Variants in C10orf67 observed in about 807,000 individuals in gnomAD.
C10orf67 encodes the protein chromosome 10 open reading frame 67, also known as uncharacterized protein C10orf67, mitochondrial.
C10orf67 carries 60 observed loss-of-function variants against 35.6 expected under a neutral mutation model. The ratio of observed to expected loss-of-function variants is 1.68; its 90% CI spans 1.37 to 2.09. The LOEUF (loss-of-function observed/expected upper bound fraction) is 2.09. Among genes scored for constraint, C10orf67 ranks in the 30% most tolerant of loss-of-function variants. The pLI is 0.00. For missense variants in C10orf67, 474 were observed against 330.2 expected, an observed-to-expected ratio of 1.44 and a Z score of -3.38; for synonymous variants, 167 against 115.8, an observed-to-expected ratio of 1.44 and a Z score of -2.84.
At chr10:23,298,290 G>A (rs1843959060) in intron 5 of C10orf67, among the ~76,000 whole-genome samples, 1 of 152,024 alleles carries the variant, frequency 6.6e-6, no homozygotes, top group Non-Finnish European at 1.5e-5. Context: ...AAAACAATGA[G>A]GCCAACCCTT....
chr10:23,283,986 T>C (rs1365556345), intron 7 of C10orf67, among the ~76,000 whole-genome samples: 1 of 152,080 alleles, frequency 6.6e-6, no homozygotes, highest in African/African-American at 2.4e-5. Context: ...TGGTATTTGA[T>C]TCCTGGAATT....
At chr10:23,316,552 C>T (rs574692327) in intron 4 of C10orf67, among the ~76,000 whole-genome samples, 5 of 152,286 alleles carry the variant, frequency 3.3e-5, no homozygotes, top group South Asian at 2.1e-4. Flanking sequence ...TCGTCCCACA[C>T]GCAGGAAGAA....
At chr10:23,305,188 A>G (rs1364954473) in intron 4 of C10orf67, among the ~76,000 whole-genome samples, 1 of 152,248 alleles carries the variant, frequency 6.6e-6, no homozygotes, top group Non-Finnish European at 1.5e-5. Flanking sequence ...ATACAGTTCC[A>G]GTAACTGACT....
chr10:23,251,721 T>G (rs959183338), intron 10 of C10orf67, among the ~76,000 whole-genome samples: 1 of 152,218 alleles, frequency 6.6e-6, no homozygotes, highest in Non-Finnish European at 1.5e-5. Flanking sequence ...AATGGTCATA[T>G]TAGTCATTAT....
At chr10:23,271,308 C>T (rs1043609049) in intron 8 of C10orf67, among the ~76,000 whole-genome samples, 6 of 152,310 alleles carry the variant, frequency 3.9e-5, no homozygotes, top group South Asian at 2.1e-4. Context: ...ACTTAGACTC[C>T]GCTCTATCTA....
In C10orf67 at chr10:23,279,082, T is replaced by A. The variant is rs557034905; in HGVS notation, c.975+2931A>T. ...GCCTGGGCAATATAGCGAGGCCCTGTCTCTATATTTTATAAATGTTATTTT... is the reference window on the plus strand; with the variant it reads ...GCCTGGGCAATATAGCGAGGCCCTGACTCTATATTTTATAAATGTTATTTT... On this transcript the variant is annotated intron_variant, in intron 8 of 15. Coordinates refer to ENST00000636213, the MANE Select transcript of C10orf67 (RefSeq NM_001371909.1). Among the ~76,000 whole-genome samples, 205 of 152,200 alleles carry A rather than the reference T, an allele frequency of 1.3e-3. 1 individual carries two copies. The highest frequency in any genetic ancestry group is 3.8e-4 in the Non-Finnish European group (26 of 68,032).
In C10orf67 at chr10:23,333,085, A is replaced by G; in HGVS notation, c.304T>C (p.Ser102Pro). ...SEILSVKELS[S>P]STQKLAQMMK... ...ACCTGTGCTAACTTTTGCGTAGATG[A>G]ACTCAATTCTTTTACTGACAGTATT... Residue 102 changes from serine (S) to proline (P), a missense_variant, in exon 2 of 16, where the codon TCA becomes CCA. By Grantham distance (74) the Ser-to-Pro change is moderately conservative. Transcript: ENST00000636213. 1.2e-6 allele frequency: 2 copies of G among 1,612,350 alleles called. No homozygotes were observed. Among genetic ancestry groups the G allele is most frequent in the Non-Finnish European group, 1.7e-6 (2 of 1,179,168 alleles).
At chr10:23,250,028 T>C (rs924944241) in intron 12 of C10orf67, among the ~76,000 whole-genome samples, 3 of 152,022 alleles carry the variant, frequency 2.0e-5, no homozygotes, top group Non-Finnish European at 2.9e-5. Flanking sequence ...GAGTGAAAAA[T>C]AGATTTGAGA....
At chr10:23,267,139 A>T (rs1842901768) in intron 9 of C10orf67, 56 bp downstream of exon 9, 3 of 687,134 alleles carry the variant, frequency 4.4e-6, no homozygotes, top group Non-Finnish European at 8.0e-6. Context: ...AGATACCAAA[A>T]TCAGAGAAGC....
At chr10:23,225,884 C>G (rs529449180) in intron 13 of C10orf67, among the ~76,000 whole-genome samples, 7 of 151,406 alleles carry the variant, frequency 4.6e-5, no homozygotes, top group African/African-American at 1.7e-4. Flanking sequence ...TCCTTAGAGA[C>G]CTACAAAGAG....
chr10:23,275,766 G>A (rs1843170118), intron 8 of C10orf67, among the ~76,000 whole-genome samples: 1 of 152,004 alleles, frequency 6.6e-6, no homozygotes, highest in Non-Finnish European at 1.5e-5. Flanking sequence ...CATGTCCCTG[G>A]TCAATTTTTT....
At chr10:23,213,215 A>G (rs913598223) in intron 15 of C10orf67, among the ~76,000 whole-genome samples, 23 of 152,218 alleles carry the variant, frequency 1.5e-4, no homozygotes, top group African/African-American at 5.5e-4. Context: ...CAACAAAGAA[A>G]AATTAGAAAA....
At chr10:23,263,535 T>C (rs1006925914) in intron 10 of C10orf67, among the ~76,000 whole-genome samples, 9 of 152,196 alleles carry the variant, frequency 5.9e-5, no homozygotes, top group Non-Finnish European at 1.5e-5. Context: ...TCTGTACAAA[T>C]TGCTTTGTAT....
chr10:23,321,487 T>C (rs1326432814), intron 3 of C10orf67, among the ~76,000 whole-genome samples: 2 of 152,052 alleles, frequency 1.3e-5, no homozygotes, highest in Non-Finnish European at 2.9e-5. Context: ...GCTGGGATTA[T>C]AGGCCTGAGC....
chr10:23,234,605 ATC>A (rs1247735897), intron 13 of C10orf67, among the ~76,000 whole-genome samples: 1 of 152,140 alleles, frequency 6.6e-6, no homozygotes, highest in Non-Finnish European at 1.5e-5. Context: ...TGAAGAAATA[ATC>A]TGTACAACAA....
chr10:23,312,164 T>C lies in C10orf67; in HGVS notation c.546+8577A>G, dbSNP rs187683983. On this transcript the variant is annotated intron_variant, in intron 4 of 15. Coordinates refer to ENST00000636213, the MANE Select transcript of C10orf67 (RefSeq NM_001371909.1). Reference sequence around the variant, plus strand: ...CTCCCAGTTAAAGTATTAATATGCATTGGTAGGGAGATATTTTAGTACTTC... The same window carrying C: ...CTCCCAGTTAAAGTATTAATATGCACTGGTAGGGAGATATTTTAGTACTTC... Among the ~76,000 whole-genome samples the C allele has an allele frequency of 1.7e-4, 26 of 152,334 alleles. No individual in the cohort carries two copies. In the East Asian group the frequency reaches 5.0e-3, roughly 29 times the overall value.
chr10:23,305,675 A>C (rs1844248788), intron 4 of C10orf67, among the ~76,000 whole-genome samples: 1 of 152,186 alleles, frequency 6.6e-6, no homozygotes, highest in Non-Finnish European at 1.5e-5. Flanking sequence ...GATAAGAGAT[A>C]ACAAGTATTG....
intron 8 of C10orf67, among the ~76,000 whole-genome samples, chr10:23,279,462 C>A (rs1843299207): frequency 6.6e-6 from 1 of 152,222 alleles, no homozygotes; most frequent in African/African-American, 2.4e-5. Context: ...TGTCAGGAAC[C>A]TAGTTGTGGG....
intron 13 of C10orf67, among the ~76,000 whole-genome samples, chr10:23,234,137 C>T (rs568748097): frequency 9.9e-5 from 15 of 152,232 alleles, no homozygotes; most frequent in African/African-American, 3.6e-4. Context: ...GACCTAAAAA[C>T]AGAACTACCA....
Sources: allele counts gnomAD v4.1 joint callset (sites outside exome capture counted in the v4.1 genomes callset), GRCh38; gene constraint gnomAD v4.1.1; transcripts MANE v1.5; gene names NCBI Gene and HGNC (gene_info 2026-07-23, HGNC 2026-07-21).